Variants in HS6ST2 observed in about 807,000 individuals in gnomAD.
HS6ST2 encodes the protein heparan-sulfate 6-O-sulfotransferase 2.
A neutral mutation model predicts 33.0 loss-of-function variants in HS6ST2; 17 were observed. The ratio of observed to expected loss-of-function variants is 0.52; its 90% CI spans 0.35 to 0.77. HS6ST2 has a LOEUF of 0.77. Among genes scored for constraint, HS6ST2 ranks in the 30% least tolerant of loss-of-function variants. HS6ST2 has a pLI of 0.01. For missense variants in HS6ST2, 519 were observed against 551.7 expected, an observed-to-expected ratio of 0.94 and a Z score of 0.59; for synonymous variants, 248 against 237.1, an observed-to-expected ratio of 1.05 and a Z score of -0.42.
chrX:132,831,858 A>G (rs2065593519), intron 2 of HS6ST2, among the ~76,000 whole-genome samples: 1 of 112,126 alleles, frequency 8.9e-6, no homozygotes, highest in Non-Finnish European at 1.9e-5. Flanking sequence ...AAGCCTGGCA[A>G]TTATGCTGAG....
At chrX:132,776,688 A>T (rs2064962573) in intron 2 of HS6ST2, among the ~76,000 whole-genome samples, 1 of 110,687 alleles carries the variant, frequency 9.0e-6, no homozygotes, top group South Asian at 3.9e-4. Flanking sequence ...CAACCAGCCT[A>T]CCTTATTCGC....
upstream of HS6ST2, among the ~76,000 whole-genome samples, chrX:132,959,091 C>T (rs1279205830): frequency 9.0e-6 from 1 of 111,506 alleles, no homozygotes; most frequent in Non-Finnish European, 1.9e-5. Context: ...TAATGTGACA[C>T]ATGAGGAAAC....
chrX:132,883,673 A>G (rs1243072031), intron 2 of HS6ST2, among the ~76,000 whole-genome samples: 1 of 111,165 alleles, frequency 9.0e-6, no homozygotes, highest in African/African-American at 3.3e-5. Context: ...CCAACCAGAT[A>G]AGGACATAGG....
intron 2 of HS6ST2, among the ~76,000 whole-genome samples, chrX:132,892,441 G>A (rs1057227123): frequency 9.0e-5 from 10 of 111,601 alleles, no homozygotes; most frequent in Admixed American, 1.9e-4. Context: ...GTATACAGTC[G>A]TCCCTCAGTA....
chrX:132,637,851 A>ATAT (rs2063566489), intron 4 of HS6ST2, among the ~76,000 whole-genome samples: 1 of 35,720 alleles, frequency 2.8e-5, no homozygotes, highest in Non-Finnish European at 3.7e-5. Context: ...TTTATATATA[A>ATAT]TATATATATA....
At chrX:132,735,897 T>G (rs1602624300) in intron 2 of HS6ST2, among the ~76,000 whole-genome samples, 1 of 111,603 alleles carries the variant, frequency 9.0e-6, no homozygotes, top group East Asian at 2.8e-4. Flanking sequence ...TGGAGTGCAG[T>G]AATGCGATCC....
chrX:132,949,998 T>C (rs1049970554), intron 2 of HS6ST2, among the ~76,000 whole-genome samples: 1 of 111,976 alleles, frequency 8.9e-6, no homozygotes, highest in Non-Finnish European at 1.9e-5. Flanking sequence ...GGTTTTGTAA[T>C]AATCTTTCAA....
chrX:132,904,508 C>CTT (rs56772653), intron 2 of HS6ST2, among the ~76,000 whole-genome samples: 1 of 105,242 alleles, frequency 9.5e-6, no homozygotes, highest in Non-Finnish European at 1.9e-5. Context: ...TCCTTCTTTC[C>CTT]TTTTTTATTT....
At chrX:132,760,432 T>C (rs1444924025) in intron 2 of HS6ST2, among the ~76,000 whole-genome samples, 2 of 111,433 alleles carry the variant, frequency 1.8e-5, no homozygotes, top group Non-Finnish European at 3.8e-5. Context: ...TTCTTCTCCT[T>C]CCTGCCACCA....
intron 2 of HS6ST2, among the ~76,000 whole-genome samples, chrX:132,863,905 G>A (rs1309949529): frequency 1.8e-5 from 2 of 111,216 alleles, no homozygotes; most frequent in Non-Finnish European, 3.8e-5. Context: ...AAGAATGAAC[G>A]GGCAGCAATC....
chrX:132,787,179 A>G (rs1286899743), intron 2 of HS6ST2, among the ~76,000 whole-genome samples: 3 of 81,931 alleles, frequency 3.7e-5, no homozygotes, highest in Admixed American at 1.4e-4. Context: ...ATATATATAT[A>G]TATATATACA....
At chrX:132,737,419 C>CAA (rs936941704) in intron 2 of HS6ST2, among the ~76,000 whole-genome samples, 34 of 111,046 alleles carry the variant, frequency 3.1e-4, no homozygotes, top group African/African-American at 1.1e-3. Flanking sequence ...TGGAGTGGGA[C>CAA]AACAGTTAGC....
At chrX:132,785,151 T>C (rs1019677194) in intron 2 of HS6ST2, among the ~76,000 whole-genome samples, 3 of 112,203 alleles carry the variant, frequency 2.7e-5, no homozygotes, top group African/African-American at 9.7e-5. Flanking sequence ...TCTCACTCAG[T>C]TACACTTTTC....
intron 2 of HS6ST2, among the ~76,000 whole-genome samples, chrX:132,900,849 C>T (rs1412109780): frequency 9.0e-6 from 1 of 111,115 alleles, no homozygotes; most frequent in African/African-American, 3.3e-5. Flanking sequence ...GATATAATGA[C>T]TCATAACAAA....
rs753587567 is a variant in HS6ST2, at chrX:132,944,701, A to G, written c.947+12107T>C. Among the ~76,000 whole-genome samples, 4 of 110,982 alleles carry G rather than the reference A, an allele frequency of 3.6e-5. No homozygotes were observed. The East Asian group carries it at 1.1e-3, about 32-fold the overall frequency. On this transcript the variant is annotated intron_variant, in intron 2 of 4. Transcript: ENST00000370833. ...ACAGAGCCCTCAGAAATAATACCACACATCTACAACCATCTGATCTTTGAC... is the reference window on the plus strand; with the variant it reads ...ACAGAGCCCTCAGAAATAATACCACGCATCTACAACCATCTGATCTTTGAC...
chrX:132,845,706 C>G (rs901823615), intron 2 of HS6ST2, among the ~76,000 whole-genome samples: 3 of 111,343 alleles, frequency 2.7e-5, no homozygotes, highest in African/African-American at 9.8e-5. Context: ...TAAAGTATTT[C>G]TTCCAGCTCC....
intron 2 of HS6ST2, among the ~76,000 whole-genome samples, chrX:132,839,265 A>AGT (rs1260282297): frequency 4.5e-4 from 38 of 84,424 alleles, no homozygotes; most frequent in South Asian, 4.3e-3. Context: ...CAGAAAATGT[A>AGT]GTGTGTGTAT....
chrX:132,626,868 A>C lies in HS6ST2; in HGVS notation c.*1355T>G, dbSNP rs2063483323. 8.9e-6 allele frequency: 1 copy of C among 112,131 alleles called. No individual in the cohort carries two copies. The highest frequency in any genetic ancestry group is 3.7e-4 in the South Asian group (1 of 2,678). 9.2% of individuals were successfully genotyped at this position (112,131 alleles called of 1,213,427 possible). A position where few individuals can be genotyped will look rare whatever the true frequency, so the allele number is the denominator to read the frequency against. ...TAGAAGTATTTTTGCATCGACTTACACTACCAAATTACTCTGCTCAACTCA... is the reference window on the plus strand; with the variant it reads ...TAGAAGTATTTTTGCATCGACTTACCCTACCAAATTACTCTGCTCAACTCA... On this transcript the variant is annotated 3_prime_UTR_variant, in exon 5 of 5. Transcript: ENST00000370833.
chrX:132,908,561 C>T (rs1168720351), intron 2 of HS6ST2, among the ~76,000 whole-genome samples: 3 of 112,402 alleles, frequency 2.7e-5, no homozygotes, highest in African/African-American at 9.7e-5. Flanking sequence ...TGTTATTCAG[C>T]AATAAAATGA....
Sources: allele counts gnomAD v4.1 joint callset (sites outside exome capture counted in the v4.1 genomes callset), GRCh38; gene constraint gnomAD v4.1.1; transcripts MANE v1.5; gene names NCBI Gene and HGNC (gene_info 2026-07-23, HGNC 2026-07-21).